The following CDC42BPA variants were observed in gnomAD, a reference collection of about 807,000 sequenced individuals.
CDC42BPA encodes the protein CDC42 binding protein kinase alpha.
Under a neutral mutation model 223.5 loss-of-function variants are expected in CDC42BPA, and 80 were observed. The observed-to-expected ratio is 0.36, with a 90% CI of 0.30 to 0.43. The LOEUF (loss-of-function observed/expected upper bound fraction) is 0.43, where lower values mean the gene tolerates loss of function less well. Ranked by LOEUF, CDC42BPA falls within the 20% of genes least tolerant of loss-of-function variation. CDC42BPA has a pLI of 1.00. For synonymous variants in CDC42BPA, 694 were observed against 718.6 expected, an observed-to-expected ratio of 0.97 and a Z score of 0.55; for missense variants, 1,743 against 2,099.9, an observed-to-expected ratio of 0.83 and a Z score of 3.32.
At chr1:227,058,280 A>C (rs1164397465) in intron 21 of CDC42BPA, among the ~76,000 whole-genome samples, 1 of 152,204 alleles carries the variant, frequency 6.6e-6, no homozygotes, top group Non-Finnish European at 1.5e-5. Context: ...TATATGCTAT[A>C]TTAGAGTTAT....
rs971846664 is a variant in CDC42BPA, at chr1:227,074,100, A to C, written c.2587-88T>G. ...AACCAGCTGTGTGTTATGTTTTTCTAAACTGGAAAAGACCCAAACTAATAG... is the reference window on the plus strand; with the variant it reads ...AACCAGCTGTGTGTTATGTTTTTCTCAACTGGAAAAGACCCAAACTAATAG... On this transcript the variant is annotated intron_variant, in intron 18 of 36. Transcript: ENST00000366766. 143 of 1,491,172 alleles carry C rather than the reference A, an allele frequency of 9.6e-5. 1 individual carries two copies. The Admixed American group carries it at 2.9e-3, about 31-fold the overall frequency. 92.4% of individuals were successfully genotyped at this position (1,491,172 alleles called of 1,614,324 possible). A position where few individuals can be genotyped will look rare whatever the true frequency, so the allele number is the denominator to read the frequency against.
chr1:227,300,843 C>T (rs1041364699), intron 1 of CDC42BPA, among the ~76,000 whole-genome samples: 1 of 152,174 alleles, frequency 6.6e-6, no homozygotes, highest in Non-Finnish European at 1.5e-5. Flanking sequence ...CACGCACACA[C>T]GGCATTTCTT....
At chr1:227,309,475 G>A (rs961785736) in intron 1 of CDC42BPA, among the ~76,000 whole-genome samples, 11 of 152,212 alleles carry the variant, frequency 7.2e-5, no homozygotes, top group African/African-American at 2.6e-4. Context: ...GCGCTTCATG[G>A]ATGTAATAAA....
intron 3 of CDC42BPA, among the ~76,000 whole-genome samples, chr1:227,200,430 T>TAAAAA (rs1472043982): frequency 6.4e-5 from 6 of 93,750 alleles, no homozygotes; most frequent in Non-Finnish European, 1.3e-4. Flanking sequence ...GACCTTGCCT[T>TAAAAA]AAAAAACAAA....
chr1:227,287,423 A>G (rs968866336), intron 1 of CDC42BPA, among the ~76,000 whole-genome samples: 1 of 152,154 alleles, frequency 6.6e-6, no homozygotes, highest in African/African-American at 2.4e-5. Flanking sequence ...AAAATCTACT[A>G]TCCTTCTGGA....
At chr1:227,253,944 C>T in intron 2 of CDC42BPA, 120 bp downstream of exon 2, 6 of 711,628 alleles carry the variant, frequency 8.4e-6, no homozygotes, top group South Asian at 8.0e-5. Flanking sequence ...ACATCAATCA[C>T]AACTTAACAA....
intron 10 of CDC42BPA, among the ~76,000 whole-genome samples, chr1:227,137,399 T>A (rs571903033): frequency 6.6e-6 from 1 of 152,106 alleles, no homozygotes; most frequent in Non-Finnish European, 1.5e-5. Context: ...GTAGAACTCA[T>A]ACATTATTAG....
chr1:227,294,540 T>C (rs1690274082), intron 1 of CDC42BPA, among the ~76,000 whole-genome samples: 1 of 152,054 alleles, frequency 6.6e-6, no homozygotes, highest in Non-Finnish European at 1.5e-5. Flanking sequence ...CTATTCCCAT[T>C]TTCAGAGAGA....
intron 21 of CDC42BPA, among the ~76,000 whole-genome samples, chr1:227,060,618 T>C (rs981156874): frequency 4.0e-5 from 6 of 151,174 alleles, no homozygotes; most frequent in Non-Finnish European, 8.8e-5. Context: ...ACAGGAGTTA[T>C]AGAAGATTTA....
At chr1:227,218,098 A>T (rs796487485) in intron 2 of CDC42BPA, among the ~76,000 whole-genome samples, 1 of 152,208 alleles carries the variant, frequency 6.6e-6, no homozygotes, top group Non-Finnish European at 1.5e-5. Context: ...AATGACTGGT[A>T]ATCTATGTGG....
intron 2 of CDC42BPA, among the ~76,000 whole-genome samples, chr1:227,215,090 G>T (rs4653807): frequency 0.31 from 47,559 of 151,842 alleles, 7,633 homozygotes; most frequent in East Asian, 0.37. Context: ...GTTTATGAAG[G>T]GCTGCTCCAA....
chr1:227,167,965 C>T (rs1268577820), intron 5 of CDC42BPA, among the ~76,000 whole-genome samples: 1 of 151,536 alleles, frequency 6.6e-6, no homozygotes, highest in East Asian at 1.9e-4. Context: ...CACTCTGTCA[C>T]CCAGGCTCAA....
intron 5 of CDC42BPA, among the ~76,000 whole-genome samples, chr1:227,170,625 C>G (rs1665941339): frequency 6.6e-6 from 1 of 152,150 alleles, no homozygotes. Context: ...CAGAGAGCCT[C>G]TTTAAACAAC....
Position 227,095,575 on chromosome 1 carries a change from G to A in CDC42BPA, c.2250-3584C>T, listed in dbSNP as rs181131410. The stretch of plus-strand genomic sequence containing the variant: ...AAAAAATCTTCTAAGGAAAAAAGGG[G>A]AATAAGTTCTTTGGTTTTTTTTTTT... On this transcript the variant is annotated intron_variant, in intron 15 of 36. Coordinates refer to ENST00000366766, the MANE Select transcript of CDC42BPA (RefSeq NM_001394014.1). 2.8e-4 allele frequency among the ~76,000 whole-genome samples: 42 copies of A among 148,364 alleles called. 1 individual carries two copies. Among genetic ancestry groups the A allele is most frequent in the African/African-American group, 9.9e-4 (40 of 40,502 alleles).
intron 14 of CDC42BPA, among the ~76,000 whole-genome samples, chr1:227,103,913 G>C (rs916242517): frequency 6.6e-6 from 1 of 152,002 alleles, no homozygotes; most frequent in Non-Finnish European, 1.5e-5. Context: ...GCCAAGCTTT[G>C]AAGCGACAGA....
chr1:227,253,445 A>T (rs986462054), intron 2 of CDC42BPA, among the ~76,000 whole-genome samples: 3 of 152,060 alleles, frequency 2.0e-5, no homozygotes, highest in African/African-American at 7.2e-5. Flanking sequence ...AAAATACAAA[A>T]ATTAGCTGGG....
chr1:227,059,486 T>TTAAC (rs1675349678), intron 21 of CDC42BPA: 7 of 1,284,650 alleles, frequency 5.4e-6, no homozygotes, highest in Non-Finnish European at 7.7e-6. Flanking sequence ...TACTATTGTA[T>TTAAC]TAACAGACAA....
chr1:227,264,565 T>C lies in CDC42BPA; in HGVS notation c.179-10410A>G, dbSNP rs571094153. Among the ~76,000 whole-genome samples the C allele has an allele frequency of 4.9e-5, 7 of 144,068 alleles. 1 individual carries two copies. Among genetic ancestry groups the C allele is most frequent in the African/African-American group, 2.1e-4 (7 of 34,074 alleles). The allele number at this position is 144,068 out of a possible 152,430, so 94.5% of individuals were successfully genotyped here. On this transcript the variant is annotated intron_variant, in intron 1 of 36. Transcript: ENST00000366766. ...ATTTTAGGAGAGTTAATGATTTAGT[T>C]GGAGTGGAGAGAAACAAGCAAGTCA...
intron 2 of CDC42BPA, among the ~76,000 whole-genome samples, chr1:227,214,212 C>CAA (rs34522031): frequency 2.3e-4 from 28 of 122,314 alleles, no homozygotes; most frequent in Non-Finnish European, 3.7e-4. Context: ...AATTCAAGTG[C>CAA]AAAAAAAAAA....
Sources: allele counts gnomAD v4.1 joint callset (sites outside exome capture counted in the v4.1 genomes callset), GRCh38; gene constraint gnomAD v4.1.1; transcripts MANE v1.5; gene names NCBI Gene and HGNC (gene_info 2026-07-23, HGNC 2026-07-21).